DEPTOR: variants seen among roughly 807,000 people sequenced by gnomAD.
DEPTOR encodes DEP domain-containing mTOR-interacting protein.
A neutral mutation model predicts 41.6 loss-of-function variants in DEPTOR; 41 were observed. That is an observed-to-expected ratio of 0.98 (90% CI 0.77 to 1.28). The LOEUF (loss-of-function observed/expected upper bound fraction) is 1.28, where lower values mean the gene tolerates loss of function less well. Among genes scored for constraint, DEPTOR ranks in the 50% most tolerant of loss-of-function variants. The probability of loss-of-function intolerance (pLI) is 0.00; values close to 1 mark genes in which losing one functional copy is unlikely to be tolerated. For synonymous variants in DEPTOR, 195 were observed against 192.3 expected (o/e 1.01, Z -0.12); for missense variants, 514 against 527.9 (o/e 0.97, Z 0.26).
At chr8:119,929,597 G>A (rs1406820204) in intron 2 of DEPTOR, among the ~76,000 whole-genome samples, 1 of 152,116 alleles carries the variant, frequency 6.6e-6, no homozygotes, top group Non-Finnish European at 1.5e-5. Context: ...TGACTATGGT[G>A]ATGGTGATGG....
rs751318250 is a variant in DEPTOR, at chr8:119,928,560, C to T, written c.283C>T (p.Arg95Trp). The T allele has an allele frequency of 5.6e-6, 9 of 1,613,756 alleles. No individual in the cohort carries two copies. Among genetic ancestry groups the T allele is most frequent in the African/African-American group, 4.0e-5 (3 of 74,866 alleles). Residue 95 changes from arginine (R) to tryptophan (W), a missense_variant, in exon 2 of 9, where the codon CGG becomes TGG. Coordinates refer to ENST00000286234, the MANE Select transcript of DEPTOR (RefSeq NM_022783.4). ...TAAACTCATGCAGAAATTAGCAGAC[C>T]GGGGCATTATTCACCATGGTGAGTG... Reference protein sequence around the residue: ...AIKLMQKLADRGIIHHVCDEH... With the variant: ...AIKLMQKLADWGIIHHVCDEH...
At chr8:119,936,928 G>A (rs1454411595) in intron 3 of DEPTOR, among the ~76,000 whole-genome samples, 2 of 152,098 alleles carry the variant, frequency 1.3e-5, no homozygotes, top group East Asian at 3.9e-4. Context: ...GGAGGCTGGG[G>A]TGGGAGAATT....
At chr8:119,886,937 G>T (rs1041110809) in intron 1 of DEPTOR, among the ~76,000 whole-genome samples, 3 of 152,126 alleles carry the variant, frequency 2.0e-5, no homozygotes, top group African/African-American at 7.2e-5. Context: ...AGTACTAGCT[G>T]TGAGAGATAC....
chr8:120,006,728 T>C (rs1812443783), intron 6 of DEPTOR, 77 bp from the exon 7 acceptor site: 1 of 1,303,870 alleles, frequency 7.7e-7, no homozygotes, highest in African/African-American at 1.5e-5. Context: ...ACCTACGAGA[T>C]ATCAATAAAT....
chr8:119,894,105 G>T (rs1212769380), intron 1 of DEPTOR, among the ~76,000 whole-genome samples: 1 of 152,042 alleles, frequency 6.6e-6, no homozygotes, highest in Non-Finnish European at 1.5e-5. Flanking sequence ...GTCTTCCTTT[G>T]TTGCCCAGGC....
intron 1 of DEPTOR, among the ~76,000 whole-genome samples, chr8:119,923,893 C>CTTTTTTTTTTTTTTTTTTTGTTTTTTTTT (rs769960283): frequency 9.5e-6 from 1 of 104,980 alleles, no homozygotes; most frequent in African/African-American, 3.0e-5. Context: ...TTTTTTCTTT[C>CTTTTTTTTTTTTTTTTTTTGTTTTTTTTT]TTTTTTTTTT....
At chr8:119,965,468 T>A (rs1828547879) in intron 4 of DEPTOR, 58 bp downstream of exon 4, 5 of 1,575,068 alleles carry the variant, frequency 3.2e-6, no homozygotes, top group East Asian at 2.2e-5. Flanking sequence ...AAATCTTGTG[T>A]CTTACAACAA....
At chr8:119,952,554 A>G (rs1828367606) in intron 3 of DEPTOR, among the ~76,000 whole-genome samples, 1 of 152,190 alleles carries the variant, frequency 6.6e-6, no homozygotes, top group Non-Finnish European at 1.5e-5. Flanking sequence ...GCACCTAGGT[A>G]TTAAGCCCTG....
At position 120,050,603 on chromosome 8, in the gene DEPTOR, C is replaced by A. The variant is rs991779277; in HGVS notation, c.*899C>A. The A allele has an allele frequency of 6.6e-6, 1 of 152,146 alleles. No homozygotes were observed. The highest frequency in any genetic ancestry group is 2.4e-5 in the African/African-American group (1 of 41,442). The allele number at this position is 152,146 out of a possible 1,614,324, so 9.4% of individuals were successfully genotyped here. ...TAAAACTTGAACTCTAAATTGCCTCCTTAGCCTGAATTTTTACTAGCTTTC... is the reference window on the plus strand; with the variant it reads ...TAAAACTTGAACTCTAAATTGCCTCATTAGCCTGAATTTTTACTAGCTTTC... On this transcript the variant is annotated 3_prime_UTR_variant, in exon 9 of 9. Coordinates refer to ENST00000286234, the MANE Select transcript of DEPTOR (RefSeq NM_022783.4).
At chr8:120,021,000 A>C (rs1009752796) in intron 8 of DEPTOR, among the ~76,000 whole-genome samples, 3 of 150,634 alleles carry the variant, frequency 2.0e-5, no homozygotes, top group Non-Finnish European at 2.9e-5. Flanking sequence ...CAGAGGTTGC[A>C]GTGAGCTGAG....
At chr8:120,027,569 G>A (rs1812818013) in intron 8 of DEPTOR, among the ~76,000 whole-genome samples, 1 of 151,710 alleles carries the variant, frequency 6.6e-6, no homozygotes. Flanking sequence ...GCTGGGTGTG[G>A]TGGTGCATGC....
At chr8:119,930,327 T>G (rs1325201399) in intron 3 of DEPTOR, among the ~76,000 whole-genome samples, 1 of 151,980 alleles carries the variant, frequency 6.6e-6, no homozygotes, top group African/African-American at 2.4e-5. Flanking sequence ...ACCTCCGTCT[T>G]CTGGGTTCAA....
intron 5 of DEPTOR, among the ~76,000 whole-genome samples, chr8:120,002,635 G>A (rs945843867): frequency 2.7e-5 from 4 of 150,204 alleles, no homozygotes; most frequent in Non-Finnish European, 3.0e-5. Context: ...AAATTTAGCC[G>A]GGCGTGGTGG....
At chr8:119,921,136 C>G (rs1827887672) in intron 1 of DEPTOR, among the ~76,000 whole-genome samples, 1 of 152,106 alleles carries the variant, frequency 6.6e-6, no homozygotes, top group Admixed American at 6.6e-5. Flanking sequence ...GCCACCACAC[C>G]CAGCTAATTT....
At chr8:119,959,491 A>G (rs1048935904) in intron 3 of DEPTOR, among the ~76,000 whole-genome samples, 1 of 151,226 alleles carries the variant, frequency 6.6e-6, no homozygotes, top group Non-Finnish European at 1.5e-5. Flanking sequence ...CATGGATTAA[A>G]GTGCAGAAGA....
At chr8:119,948,843 A>G (rs1004001335) in intron 3 of DEPTOR, among the ~76,000 whole-genome samples, 1 of 151,878 alleles carries the variant, frequency 6.6e-6, no homozygotes, top group African/African-American at 2.4e-5. Context: ...GCTGGAGTGC[A>G]ATGGCGTGAT....
chr8:119,959,625 C>T (rs1828464618), intron 3 of DEPTOR, among the ~76,000 whole-genome samples: 1 of 151,604 alleles, frequency 6.6e-6, no homozygotes, highest in African/African-American at 2.4e-5. Flanking sequence ...CTGCCAGGTT[C>T]AAGTGATTCT....
intron 1 of DEPTOR, among the ~76,000 whole-genome samples, chr8:119,925,871 T>C (rs28600928): frequency 0.28 from 42,824 of 152,002 alleles, 6,453 homozygotes; most frequent in Middle Eastern, 0.39. Flanking sequence ...GTGATCCACC[T>C]GCCTTGGCCT....
intron 1 of DEPTOR, 102 bp downstream of exon 1, chr8:119,874,070 G>A: frequency 6.4e-7 from 1 of 1,560,492 alleles, no homozygotes; most frequent in South Asian, 1.2e-5. Context: ...CTTGCGACTC[G>A]CGTGGGGCGC....
Sources: gnomAD v4.1 joint callset for allele counts (sites outside exome capture counted in the v4.1 genomes callset) on GRCh38, gnomAD v4.1.1 for gene constraint, MANE v1.5 for transcripts, NCBI Gene and HGNC (gene_info 2026-07-23, HGNC 2026-07-21) for gene names.